DLGAP2: variants seen among roughly 807,000 people sequenced by gnomAD.
DLGAP2 encodes disks large-associated protein 2.
DLGAP2 carries 26 observed loss-of-function variants against 100.3 expected under a neutral mutation model. The ratio of observed to expected loss-of-function variants is 0.26; its 90% CI spans 0.19 to 0.36. The LOEUF (loss-of-function observed/expected upper bound fraction) is 0.36. Ranked by LOEUF, DLGAP2 falls within the 10% of genes least tolerant of loss-of-function variation. The pLI is 1.00. For missense variants in DLGAP2, 1,858 were observed against 1,453.2 expected (o/e 1.28, Z -4.53); for synonymous variants, 886 against 630.1 (o/e 1.41, Z -6.08).
At chr8:1,557,173 A>G (rs951915740) in intron 5 of DLGAP2, among the ~76,000 whole-genome samples, 8 of 152,184 alleles carry the variant, frequency 5.3e-5, no homozygotes, top group African/African-American at 1.7e-4. Context: ...GATGTCACCA[A>G]ATGTCCCCTG....
intron 2 of DLGAP2, among the ~76,000 whole-genome samples, chr8:975,035 C>T (rs1399679203): frequency 6.6e-6 from 1 of 152,100 alleles, no homozygotes; most frequent in East Asian, 1.9e-4. Context: ...ATCCAAATTA[C>T]CGAAATCAGA....
At chr8:1,251,266 C>G (rs754225023) in intron 2 of DLGAP2, among the ~76,000 whole-genome samples, 2 of 152,286 alleles carry the variant, frequency 1.3e-5, no homozygotes, top group African/African-American at 2.4e-5. Context: ...CAATGACTAT[C>G]TCCTAGCATA....
chr8:1,484,941 C>T (rs968721818), intron 3 of DLGAP2, among the ~76,000 whole-genome samples: 1 of 152,194 alleles, frequency 6.6e-6, no homozygotes, highest in African/African-American at 2.4e-5. Context: ...CCCCTAGGAC[C>T]TTCATTTTGC....
At chr8:799,717 C>T (rs948201700) in intron 1 of DLGAP2, among the ~76,000 whole-genome samples, 2 of 152,150 alleles carry the variant, frequency 1.3e-5, no homozygotes, top group Admixed American at 1.3e-4. Context: ...CCACATCCGT[C>T]TCTTGAGTAG....
At chr8:1,664,923 G>C (rs898142589) in intron 8 of DLGAP2, among the ~76,000 whole-genome samples, 1 of 152,210 alleles carries the variant, frequency 6.6e-6, no homozygotes, top group Non-Finnish European at 1.5e-5. Flanking sequence ...AAAAATCACT[G>C]TGTGTGCCCT....
intron 3 of DLGAP2, among the ~76,000 whole-genome samples, chr8:1,370,031 C>T (rs1010601543): frequency 6.6e-6 from 1 of 152,140 alleles, no homozygotes; most frequent in East Asian, 1.9e-4. Context: ...GCAGCATCCT[C>T]CCCAGTTGCG....
chr8:1,018,299 CAGTGTGTGACTAAACTG>C (rs1162031954), intron 2 of DLGAP2, among the ~76,000 whole-genome samples: 1 of 152,200 alleles, frequency 6.6e-6, no homozygotes, highest in Non-Finnish European at 1.5e-5. Context: ...GGCTGATGTT[CAGTGTGTGACTAAACTG>C]AGCTGTGAAG....
At chr8:984,468 G>A (rs1489889235) in intron 2 of DLGAP2, among the ~76,000 whole-genome samples, 1 of 152,188 alleles carries the variant, frequency 6.6e-6, no homozygotes, top group South Asian at 2.1e-4. Flanking sequence ...AAGGGGTTGG[G>A]CCTAGGTTTA....
At chr8:1,523,150 G>C (rs1334236769) in intron 4 of DLGAP2, among the ~76,000 whole-genome samples, 1 of 152,188 alleles carries the variant, frequency 6.6e-6, no homozygotes, top group African/African-American at 2.4e-5. Flanking sequence ...AGTTCTGGGG[G>C]GCGGGAGTGA....
In DLGAP2 at chr8:869,678, A is replaced by G. The variant is rs141703209; in HGVS notation, c.19-38234A>G. ...CTCCTTAGTCTTAATGAATATGCGC[A>G]TGTTTTGAACCGTAGTTGGAACATT... On this transcript the variant is annotated intron_variant, in intron 1 of 14. Coordinates refer to ENST00000637795, the MANE Select transcript of DLGAP2 (RefSeq NM_001346810.2). Among the ~76,000 whole-genome samples, 3 of 152,314 alleles carry G rather than the reference A, an allele frequency of 2.0e-5. No individual in the cohort carries two copies. In the East Asian group the frequency reaches 5.8e-4, roughly 29 times the overall value.
At chr8:1,084,036 C>G (rs150246938) in intron 2 of DLGAP2, among the ~76,000 whole-genome samples, 3 of 152,280 alleles carry the variant, frequency 2.0e-5, no homozygotes, top group Non-Finnish European at 4.4e-5. Flanking sequence ...GTGTGATTAA[C>G]ACACAAACTT....
chr8:1,544,696 T>C (rs1158516187), intron 4 of DLGAP2, among the ~76,000 whole-genome samples: 1 of 152,064 alleles, frequency 6.6e-6, no homozygotes, highest in Non-Finnish European at 1.5e-5. Context: ...ATAATTCTCC[T>C]CATATGCTGC....
intron 2 of DLGAP2, among the ~76,000 whole-genome samples, chr8:1,220,415 G>C (rs750072127): frequency 5.9e-5 from 9 of 152,148 alleles, no homozygotes; most frequent in Non-Finnish European, 1.0e-4. Context: ...GTATGATTTT[G>C]AGCAATGTTC....
intron 2 of DLGAP2, among the ~76,000 whole-genome samples, chr8:1,181,851 C>G (rs1385136801): frequency 6.6e-6 from 1 of 152,190 alleles, no homozygotes; most frequent in African/African-American, 2.4e-5. Flanking sequence ...TTCCTCCCTG[C>G]ACGGCACCCC....
intron 1 of DLGAP2, among the ~76,000 whole-genome samples, chr8:863,862 A>C (rs1262642793): frequency 6.6e-6 from 1 of 152,086 alleles, no homozygotes; most frequent in African/African-American, 2.4e-5. Flanking sequence ...ACTGGCTACA[A>C]CCCCAAGGAA....
intron 3 of DLGAP2, among the ~76,000 whole-genome samples, chr8:1,278,959 T>A (rs1359230412): frequency 6.6e-6 from 1 of 152,228 alleles, no homozygotes; most frequent in Non-Finnish European, 1.5e-5. Flanking sequence ...AAGTCACTTA[T>A]GATTTCTTTC....
chr8:1,270,356 G>A (rs2116928062), intron 3 of DLGAP2, among the ~76,000 whole-genome samples: 1 of 152,332 alleles, frequency 6.6e-6, no homozygotes, highest in African/African-American at 2.4e-5. Flanking sequence ...TGTGGGCAAT[G>A]GGGAGAATGA....
chr8:1,424,083 C>G (rs1797175053), intron 3 of DLGAP2, among the ~76,000 whole-genome samples: 2 of 152,216 alleles, frequency 1.3e-5, no homozygotes, highest in Admixed American at 6.5e-5. Flanking sequence ...CCATGGCACT[C>G]AGAGGACACC....
At chr8:875,347 G>T (rs1299142810) in intron 1 of DLGAP2, among the ~76,000 whole-genome samples, 3 of 152,068 alleles carry the variant, frequency 2.0e-5, no homozygotes, top group Non-Finnish European at 4.4e-5. Context: ...ATCTCATCTT[G>T]AATTGTGGTT....
Sources: allele counts gnomAD v4.1 joint callset (sites outside exome capture counted in the v4.1 genomes callset), GRCh38; gene constraint gnomAD v4.1.1; transcripts MANE v1.5; gene names NCBI Gene and HGNC (gene_info 2026-07-23, HGNC 2026-07-21).